The following PLPPR3 variants were observed in gnomAD, a reference collection of about 807,000 sequenced individuals.
PLPPR3 encodes the protein phospholipid phosphatase-related protein type 3.
Under a neutral mutation model 27.3 loss-of-function variants are expected in PLPPR3, and 14 were observed. That is an observed-to-expected ratio of 0.51 (90% confidence interval 0.34 to 0.80). PLPPR3 has a LOEUF of 0.80. Ranked by LOEUF, PLPPR3 falls within the 30% of genes least tolerant of loss-of-function variation. The pLI, the probability that PLPPR3 is intolerant of heterozygous loss-of-function variation, is 0.01. For synonymous variants in PLPPR3, 671 were observed against 508.0 expected (o/e 1.32, Z -4.32); for missense variants, 1,287 against 1,056.9 (o/e 1.22, Z -3.02).
chr19:822,685 C>T (rs927155878), upstream of PLPPR3, among the ~76,000 whole-genome samples: 1 of 152,204 alleles, frequency 6.6e-6, no homozygotes, highest in Non-Finnish European at 1.5e-5. Flanking sequence ...TGCCTGCTGT[C>T]TGCGTGCATT....
chr19:821,195 C>A (rs1599264491), intron 2 of PLPPR3, among the ~76,000 whole-genome samples: 1 of 144,794 alleles, frequency 6.9e-6, no homozygotes. Context: ...AGGCCCCCAG[C>A]CCCCGACCCC....
rs772553081 is a variant in PLPPR3, at chr19:821,555, A to T, written c.5T>A (p.Ile2Asn). 18 of 1,471,648 alleles carry T rather than the reference A, an allele frequency of 1.2e-5. No homozygotes were observed. In the Admixed American group the frequency reaches 2.2e-4, roughly 18 times the overall value. 91.2% of individuals were successfully genotyped at this position (1,471,648 alleles called of 1,614,324 possible). ...GATCTTGTTCTTCTCCTTGGTGGAG[A>T]TCATGGTGCCGCGGGCGCCGCAGGC... MISTKEKNKIPK... is the reference protein window; with the variant it reads MNSTKEKNKIPK... Residue 2 changes from isoleucine (I) to asparagine (N), a missense_variant, in exon 2 of 8, where the codon ATC (isoleucine) becomes AAC (asparagine). Physicochemically the swap from Ile to Asn is moderately radical, Grantham distance 149 (BLOSUM62 -3). Coordinates refer to ENST00000520876, the MANE Select transcript of PLPPR3 (RefSeq NM_001270366.2).
chr19:821,491 G>A lies in PLPPR3; in HGVS notation c.69C>T (p.Phe23=). 3.6e-6 allele frequency: 5 copies of A among 1,386,686 alleles called. No individual in the cohort carries two copies. Among genetic ancestry groups the A allele is most frequent in the South Asian group, 1.3e-5 (1 of 78,918 alleles). 85.9% of individuals were successfully genotyped at this position (1,386,686 alleles called of 1,614,324 possible). Residue 23 remains phenylalanine, a synonymous_variant, in exon 2 of 8, where the codon TTC becomes TTT. Coordinates refer to ENST00000520876, the MANE Select transcript of PLPPR3 (RefSeq NM_001270366.2). ...DSMTLLPCFY[F]VELPIVASSI... is the part of the protein sequence containing the mutation. ...CAGCGCGACCCCCACCCACCTCCAC[G>A]AAGTAGAAGCAGGGCAGAAGCGTCA... is the stretch of plus-strand genomic sequence containing the variant.
intron 2 of PLPPR3, among the ~76,000 whole-genome samples, chr19:816,428 A>AG (rs2035056440): frequency 1.6e-5 from 2 of 124,274 alleles, no homozygotes; most frequent in African/African-American, 3.1e-5. Flanking sequence ...CCATGCACCC[A>AG]CCCACCCATC....
At chr19:815,884 C>T in intron 2 of PLPPR3, 33 bp from the exon 3 acceptor site, 1 of 1,601,528 alleles carries the variant, frequency 6.2e-7, no homozygotes, top group South Asian at 1.1e-5. Flanking sequence ...GTTCACCCTG[C>T]TCTCCCTCGC....
chr19:813,273 G>A lies in PLPPR3; in HGVS notation c.1454C>T (p.Pro485Leu). The change falls in exon 8 of 8, where the codon CCA becomes CTA. Residue 485 changes from proline (P) to leucine (L), a missense_variant. Transcript: ENST00000520876. The surrounding 1 kb of genome is among the most constrained non-coding windows in gnomAD (Gnocchi z 4.1). Reference sequence around the variant, plus strand: ...CAGCGGCGGCGGCCCCGCGCGCGGTGGGAGGATGACCCGAGGCCCCAGCCC... The same window carrying A: ...CAGCGGCGGCGGCCCCGCGCGCGGTAGGAGGATGACCCGAGGCCCCAGCCC... ...RPGLGPRVIL[P>L]PRAGPPPLVH... 6.8e-7 allele frequency: 1 copy of A among 1,475,120 alleles called. No homozygotes were observed. The allele number at this position is 1,475,120 out of a possible 1,614,324, so 91.4% of individuals were successfully genotyped here.
rs1271963676 is a variant in PLPPR3 at position 813,314 on chromosome 19, G to T, written c.1413C>A (p.Thr471=). 1.4e-6 allele frequency: 2 copies of T among 1,466,034 alleles called. No individual in the cohort carries two copies. The highest frequency in any genetic ancestry group is 1.4e-5 in the South Asian group (1 of 73,758). 90.8% of individuals were successfully genotyped at this position (1,466,034 alleles called of 1,614,324 possible). A position where few individuals can be genotyped will look rare whatever the true frequency, so the allele number is the denominator to read the frequency against. Residue 471 remains threonine (T), a synonymous_variant, in exon 8 of 8, where the codon ACC becomes ACA. Coordinates refer to ENST00000520876, the MANE Select transcript of PLPPR3 (RefSeq NM_001270366.2). The surrounding 1 kb of genome is among the most constrained non-coding windows in gnomAD (Gnocchi z 4.1). ...EGPAPPSLYP[T]VQARPGLGPR... is the part of the protein sequence containing the mutation. Reference sequence around the variant, plus strand: ...GCCCCAGCCCCGGCCGCGCCTGCACGGTGGGGTAGAGCGAGGGCGGGGCCG... The same window carrying T: ...GCCCCAGCCCCGGCCGCGCCTGCACTGTGGGGTAGAGCGAGGGCGGGGCCG...
Position 813,300 on chromosome 19 carries a change from G to T in PLPPR3, c.1427C>A (p.Pro476Gln). The T allele has an allele frequency of 6.9e-7, 1 of 1,458,930 alleles. No individual in the cohort carries two copies. Among genetic ancestry groups the T allele is most frequent in the Admixed American group, 2.8e-5 (1 of 35,800 alleles). 90.4% of individuals were successfully genotyped at this position (1,458,930 alleles called of 1,614,324 possible). Residue 476 changes from proline to glutamine, a missense_variant, in exon 8 of 8, where the codon CCG becomes CAG. Transcript: ENST00000520876. The surrounding 1 kb of genome is among the most constrained non-coding windows in gnomAD (Gnocchi z 4.1). ...PSLYPTVQARPGLGPRVILPP... is the reference protein window; with the variant it reads ...PSLYPTVQARQGLGPRVILPP... ...GAGGATGACCCGAGGCCCCAGCCCC[G>T]GCCGCGCCTGCACGGTGGGGTAGAG... is the stretch of plus-strand genomic sequence containing the variant.
At chr19:815,553 C>G in intron 3 of PLPPR3, 113 bp downstream of exon 3, 1 of 1,232,712 alleles carries the variant, frequency 8.1e-7, no homozygotes, top group Non-Finnish European at 1.1e-6. Flanking sequence ...GGCACAGGCC[C>G]CGGTGTGGAT....
chr19:812,839 C>T lies in PLPPR3; in HGVS notation c.1888G>A (p.Gly630Ser). Residue 630 changes from glycine to serine, a missense_variant, in exon 8 of 8, where the codon GGC becomes AGC. Gly to Ser is a moderately conservative substitution (Grantham distance 56, BLOSUM62 0). Transcript: ENST00000520876. ...ELGDLARGFR[G>S]GAKPPGVSPG... is the part of the protein sequence containing the mutation. ...GACACGCCCGGGGGCTTGGCCCCGC[C>T]GCGGAAGCCGCGCGCCAGGTCCCCC... 3 of 1,122,008 alleles carry T rather than the reference C, an allele frequency of 2.7e-6. No homozygotes were observed. The highest frequency in any genetic ancestry group is 3.3e-6 in the Non-Finnish European group (3 of 916,326). The allele number at this position is 1,122,008 out of a possible 1,614,324, so 69.5% of individuals were successfully genotyped here.
Position 813,575 on chromosome 19 carries a change from C to A in PLPPR3, c.1152G>T (p.Ser384=). Residue 384 remains serine (S), a synonymous_variant, in exon 8 of 8, where the codon TCG becomes TCT. Coordinates refer to ENST00000520876, the MANE Select transcript of PLPPR3 (RefSeq NM_001270366.2). This position sits in a 1 kb window ranked among gnomAD's most constrained non-coding sequence, Gnocchi z 4.1. ...SHTLPRASAP[S]LDDPARRHMT... ...TGTGGCGGCGCGCGGGGTCGTCCAG[C>A]GAGGGCGCGCTGGCCCTGGGCAGCG... 8 of 1,556,106 alleles carry A rather than the reference C, an allele frequency of 5.1e-6. No individual in the cohort carries two copies. Among genetic ancestry groups the A allele is most frequent in the African/African-American group, 1.4e-5 (1 of 73,430 alleles).
Position 812,874 on chromosome 19 carries a change from C to T in PLPPR3, c.1853G>A (p.Gly618Asp). The stretch of plus-strand genomic sequence containing the variant: ...GCGCGCCAGGTCCCCCAGCTCGTAG[C>T]CGCCGTCGGCCTCCGCCTTGGCCCC... ...GGGAKAEADG[G>D]YELGDLARGF... The change falls in exon 8 of 8, where the codon GGC becomes GAC. Residue 618 changes from glycine to aspartate, a missense_variant. Coordinates refer to ENST00000520876, the MANE Select transcript of PLPPR3 (RefSeq NM_001270366.2). The T allele has an allele frequency of 8.4e-7, 1 of 1,190,864 alleles. No homozygotes were observed. The highest frequency in any genetic ancestry group is 4.8e-5 in the East Asian group (1 of 20,930). 73.8% of individuals were successfully genotyped at this position (1,190,864 alleles called of 1,614,324 possible). A position where few individuals can be genotyped will look rare whatever the true frequency, so the allele number is the denominator to read the frequency against.
upstream of PLPPR3, among the ~76,000 whole-genome samples, chr19:822,923 A>G (rs2035170230): frequency 6.6e-6 from 1 of 151,606 alleles, no homozygotes; most frequent in Non-Finnish European, 1.5e-5. Flanking sequence ...GTTCGAGACC[A>G]GCCTGGACAA....
chr19:814,663 T>C, intron 6 of PLPPR3, 29 bp downstream of exon 6: 1 of 1,608,396 alleles, frequency 6.2e-7, no homozygotes, highest in East Asian at 2.2e-5. Context: ...CAAGAGGGCC[T>C]GGGAAGGGCA....
chr19:815,421 G>T (rs886255885), intron 3 of PLPPR3, 94 bp from the exon 4 acceptor site: 4 of 1,364,444 alleles, frequency 2.9e-6, no homozygotes, highest in Admixed American at 2.6e-5. Flanking sequence ...GCTGGCACAG[G>T]CCCCGGTGTG....
At chr19:819,710 A>C (rs1375407560) in intron 2 of PLPPR3, among the ~76,000 whole-genome samples, 1 of 152,186 alleles carries the variant, frequency 6.6e-6, no homozygotes, top group Non-Finnish European at 1.5e-5. Flanking sequence ...GTAACGGATT[A>C]CAGGCCAGCC....
rs376727977 is a variant in PLPPR3, at chr19:815,091, G to T, written c.404-10C>A. 6.2e-7 allele frequency: 1 copy of T among 1,602,610 alleles called. No individual in the cohort carries two copies. ...CCGAACACGTGGACACCTGCAGGGCGGAAGGCTCGGCCAGGCGGGGAGCTG... is the reference window on the plus strand; with the variant it reads ...CCGAACACGTGGACACCTGCAGGGCTGAAGGCTCGGCCAGGCGGGGAGCTG... On this transcript the variant is annotated splice_polypyrimidine_tract_variant and intron_variant, in intron 4 of 7. Coordinates refer to ENST00000520876, the MANE Select transcript of PLPPR3 (RefSeq NM_001270366.2).
In PLPPR3 at chr19:813,004, G is replaced by A. The variant is rs1156808167; in HGVS notation, c.1723C>T (p.Arg575Cys). ...ATGGTCACGATGCTGGCGGAGTCGC[G>A]GTCCGACGGCGACCGGTACTGCGAG... The part of the protein sequence containing the change: ...DSSQYRSPSD[R>C]DSASIVTIDA... The change falls in exon 8 of 8, where the codon CGC (arginine) becomes TGC (cysteine). Residue 575 changes from arginine to cysteine, a missense_variant. Arg to Cys is a radical substitution (Grantham distance 180, BLOSUM62 -3). Transcript: ENST00000520876. The surrounding 1 kb of genome is among the most constrained non-coding windows in gnomAD (Gnocchi z 4.1). The A allele has an allele frequency of 2.0e-6, 3 of 1,516,350 alleles. No homozygotes were observed. The highest frequency in any genetic ancestry group is 1.7e-4 in the Middle Eastern group (1 of 5,756). The allele number at this position is 1,516,350 out of a possible 1,614,324, so 93.9% of individuals were successfully genotyped here.
intron 2 of PLPPR3, among the ~76,000 whole-genome samples, chr19:817,998 A>G (rs2035086661): frequency 6.6e-6 from 1 of 152,068 alleles, no homozygotes. Flanking sequence ...TGTTCTCTCC[A>G]CTTTCATTAT....
Sources: allele counts gnomAD v4.1 joint callset (sites outside exome capture counted in the v4.1 genomes callset), GRCh38; gene constraint gnomAD v4.1.1; non-coding constraint Gnocchi (gnomAD v3.1); transcripts MANE v1.5; gene names NCBI Gene and HGNC (gene_info 2026-07-23, HGNC 2026-07-21).